EPHB2: variants seen among roughly 807,000 people sequenced by gnomAD.
The protein encoded by EPHB2 is ephrin type-B receptor 2.
In EPHB2, 18 loss-of-function variants were observed where a neutral mutation model predicts 96.4. The observed-to-expected ratio is 0.19, with a 90% CI of 0.13 to 0.28. The LOEUF is 0.28. Among genes scored for constraint, EPHB2 ranks in the 10% least tolerant of loss-of-function variants. The pLI is 1.00. For missense variants in EPHB2, 989 were observed against 1,355.4 expected (o/e 0.73, Z 4.25); for synonymous variants, 506 against 534.1 (o/e 0.95, Z 0.72).
intron 3 of EPHB2, among the ~76,000 whole-genome samples, chr1:22,849,338 C>A (rs1371328962): frequency 6.6e-6 from 1 of 152,188 alleles, no homozygotes; most frequent in Non-Finnish European, 1.5e-5. Context: ...CGTGACCCAT[C>A]GCGAGGTGTG....
At chr1:22,869,946 A>AG (rs1237004868) in intron 5 of EPHB2, among the ~76,000 whole-genome samples, 1 of 152,120 alleles carries the variant, frequency 6.6e-6, no homozygotes, top group East Asian at 1.9e-4. Context: ...CGGCACCTAG[A>AG]GGGGGCTGCA....
chr1:22,809,023 T>C (rs1320734014), intron 3 of EPHB2, among the ~76,000 whole-genome samples: 1 of 152,230 alleles, frequency 6.6e-6, no homozygotes, highest in African/African-American at 2.4e-5. Flanking sequence ...GAGTCAGAGC[T>C]GGTGGGGCCG....
At chr1:22,805,790 G>A (rs1263201357) in intron 3 of EPHB2, among the ~76,000 whole-genome samples, 1 of 152,210 alleles carries the variant, frequency 6.6e-6, no homozygotes, top group African/African-American at 2.4e-5. Flanking sequence ...GTGCCTGCCA[G>A]GGGGGCTGCA....
intron 3 of EPHB2, 66 bp from the exon 4 acceptor site, chr1:22,862,971 C>T (rs996803373): frequency 6.2e-6 from 10 of 1,606,494 alleles, no homozygotes; most frequent in Admixed American, 3.3e-5. Context: ...CGTGAGGCTG[C>T]GTGGCTCGTG....
intron 1 of EPHB2, among the ~76,000 whole-genome samples, chr1:22,744,671 C>CA (rs59996691): frequency 0.012 from 699 of 57,928 alleles, 47 homozygotes; most frequent in African/African-American, 0.038. Context: ...GACATTGTCT[C>CA]AAAAAAAAAA....
At chr1:22,711,665 G>A (rs993108593) in intron 1 of EPHB2, among the ~76,000 whole-genome samples, 1 of 152,036 alleles carries the variant, frequency 6.6e-6, no homozygotes, top group East Asian at 1.9e-4. Flanking sequence ...CGCGGGGGAT[G>A]GGTCTGTGGG....
intron 1 of EPHB2, among the ~76,000 whole-genome samples, chr1:22,765,174 C>T (rs1466604219): frequency 6.6e-6 from 1 of 152,170 alleles, no homozygotes; most frequent in Non-Finnish European, 1.5e-5. Flanking sequence ...TGGCCCAGAA[C>T]TCTGAGGCTG....
At position 22,790,406 on chromosome 1, in the gene EPHB2, G is replaced by C. The variant is rs1055449151; in HGVS notation, c.811+5330G>C. On this transcript the variant is annotated intron_variant, in intron 3 of 15. Coordinates refer to ENST00000374630, the MANE Select transcript of EPHB2 (RefSeq NM_017449.5). This position sits in a 1 kb window ranked among gnomAD's most constrained non-coding sequence, Gnocchi z 4.0. ...TGTTCCCTCCCCAACCCCAGTCCCCGCTGGGGCTTCCTGCCAGCAGGTCTG... is the reference window on the plus strand; with the variant it reads ...TGTTCCCTCCCCAACCCCAGTCCCCCCTGGGGCTTCCTGCCAGCAGGTCTG... 6.6e-6 allele frequency among the ~76,000 whole-genome samples: 1 copy of C among 152,102 alleles called. No individual in the cohort carries two copies. The highest frequency in any genetic ancestry group is 2.4e-5 in the African/African-American group (1 of 41,420).
chr1:22,768,670 A>G (rs1433520543), intron 1 of EPHB2, among the ~76,000 whole-genome samples: 4 of 151,718 alleles, frequency 2.6e-5, no homozygotes, highest in Non-Finnish European at 5.9e-5. Context: ...GGCCTAGGTA[A>G]CAGAGAGAGA....
At chr1:22,732,399 C>T (rs1042999720) in intron 1 of EPHB2, among the ~76,000 whole-genome samples, 13 of 152,192 alleles carry the variant, frequency 8.5e-5, no homozygotes, top group Admixed American at 2.6e-4. Flanking sequence ...GGCCGGAGGG[C>T]GGCTCTAACT....
In EPHB2 at chr1:22,892,934, C is replaced by T. The variant is rs2148566292; in HGVS notation, c.1479C>T (p.Val493=). 2 of 1,614,244 alleles carry T rather than the reference C, an allele frequency of 1.2e-6. No homozygotes were observed. The highest frequency in any genetic ancestry group is 8.5e-7 in the Non-Finnish European group (1 of 1,180,042). The change falls in exon 7 of 16, where the codon GTC becomes GTT. Residue 493 remains valine (V), a synonymous_variant. Transcript: ENST00000374630. ...CCATAAAAAGCCCCACCAACACGGT[C>T]ACCGTGCAGGGCCTCAAAGCCGGCG... ...ATAIKSPTNT[V]TVQGLKAGAI... is the part of the protein sequence containing the mutation.
In EPHB2 at chr1:22,913,783, A is replaced by G. The variant is rs377584109; in HGVS notation, c.*213A>G. On this transcript the variant is annotated 3_prime_UTR_variant, in exon 16 of 16. Transcript: ENST00000374630. This position sits in a 1 kb window ranked among gnomAD's most constrained non-coding sequence, Gnocchi z 4.1. ...AAAAGGGAATGGGAAAAAAGAAAAC[A>G]GATCCTGGGAGGGGGCGGGAAATAC... is the stretch of plus-strand genomic sequence containing the variant. 1.7e-4 allele frequency: 271 copies of G among 1,608,514 alleles called. No homozygotes were observed. The highest frequency in any genetic ancestry group is 2.2e-4 in the Non-Finnish European group (261 of 1,177,316).
At chr1:22,780,083 G>T (rs2148417338) in intron 1 of EPHB2, among the ~76,000 whole-genome samples, 1 of 152,328 alleles carries the variant, frequency 6.6e-6, no homozygotes, top group Admixed American at 6.5e-5. Flanking sequence ...TGCAGCGCCT[G>T]GTACATAATG....
At chr1:22,843,750 AG>A (rs1466816776) in intron 3 of EPHB2, among the ~76,000 whole-genome samples, 3 of 152,222 alleles carry the variant, frequency 2.0e-5, no homozygotes, top group African/African-American at 7.2e-5. Flanking sequence ...CATGTTGGCC[AG>A]GCTGCTCTCG....
rs774523546 is a variant in EPHB2 at position 22,916,648 on chromosome 1, C to G, written c.*3078C>G. The stretch of plus-strand genomic sequence containing the variant: ...GCACACAGCTCTGAGCCACCCGCTG[C>G]CTGGTTACTAATCCTTTCCTGGCTC... On this transcript the variant is annotated 3_prime_UTR_variant, in exon 16 of 16. Coordinates refer to ENST00000374630, the MANE Select transcript of EPHB2 (RefSeq NM_017449.5). This position sits in a 1 kb window ranked among gnomAD's most constrained non-coding sequence, Gnocchi z 4.2. The G allele has an allele frequency of 6.6e-6, 1 of 152,378 alleles. No individual in the cohort carries two copies. The highest frequency in any genetic ancestry group is 1.5e-5 in the Non-Finnish European group (1 of 68,206). 9.4% of individuals were successfully genotyped at this position (152,378 alleles called of 1,614,324 possible). A position where few individuals can be genotyped will look rare whatever the true frequency, so the allele number is the denominator to read the frequency against.
intron 3 of EPHB2, among the ~76,000 whole-genome samples, chr1:22,859,294 T>TGGGC (rs1491408362): frequency 3.9e-3 from 43 of 11,144 alleles, no homozygotes; most frequent in African/African-American, 0.021. Flanking sequence ...GGGGTGGGCC[T>TGGGC]GGTGGGGGGG....
chr1:22,763,540 C>T (rs74060667), intron 1 of EPHB2, among the ~76,000 whole-genome samples: 1 of 152,040 alleles, frequency 6.6e-6, no homozygotes, highest in Admixed American at 6.5e-5. Flanking sequence ...CCCTCCCCCC[C>T]ACTTCAAATG....
intron 1 of EPHB2, among the ~76,000 whole-genome samples, chr1:22,779,563 A>G (rs1441982967): frequency 1.3e-5 from 2 of 152,204 alleles, no homozygotes; most frequent in African/African-American, 2.4e-5. Flanking sequence ...AGCTGCCTAG[A>G]CACTGGGCAC....
At chr1:22,892,037 T>G (rs1331508267) in intron 6 of EPHB2, among the ~76,000 whole-genome samples, 3 of 151,670 alleles carry the variant, frequency 2.0e-5, no homozygotes, top group Non-Finnish European at 4.4e-5. Flanking sequence ...GCTCAAGTGA[T>G]CCTCCCACCC....
Sources: gnomAD v4.1 joint callset for allele counts (sites outside exome capture counted in the v4.1 genomes callset) on GRCh38, gnomAD v4.1.1 for gene constraint, Gnocchi (gnomAD v3.1) non-coding constraint, MANE v1.5 for transcripts, NCBI Gene and HGNC (gene_info 2026-07-23, HGNC 2026-07-21) for gene names.